The following EPHA6 variants were observed in gnomAD, a reference collection of about 807,000 sequenced individuals.
EPHA6 encodes the protein ephrin type-A receptor 6.
EPHA6 carries 50 observed loss-of-function variants against 112.0 expected under a neutral mutation model. That is an observed-to-expected ratio of 0.45 (90% CI 0.36 to 0.56). The LOEUF (loss-of-function observed/expected upper bound fraction) is 0.56, where lower values mean the gene tolerates loss of function less well. Ranked by LOEUF, EPHA6 falls within the 20% of genes least tolerant of loss-of-function variation. The probability of loss-of-function intolerance (pLI) is 0.00; values close to 1 mark genes in which losing one functional copy is unlikely to be tolerated. For synonymous variants in EPHA6, 529 were observed against 490.7 expected (o/e 1.08, Z -1.03); for missense variants, 1,280 against 1,417.4 (o/e 0.90, Z 1.56).
chr3:97,047,499 CAAAAAA>C (rs556388538), intron 3 of EPHA6, among the ~76,000 whole-genome samples: 2 of 46,452 alleles, frequency 4.3e-5, no homozygotes, highest in African/African-American at 1.4e-4. Flanking sequence ...GACTCTGTCT[CAAAAAA>C]AAAAAAAAAA....
At chr3:97,571,872 G>A (rs1318124203) in intron 11 of EPHA6, among the ~76,000 whole-genome samples, 2 of 152,174 alleles carry the variant, frequency 1.3e-5, no homozygotes, top group African/African-American at 2.4e-5. Flanking sequence ...TGTGAAATGT[G>A]GAAGGTCAAT....
chr3:97,340,337 T>G (rs887182498), intron 5 of EPHA6, among the ~76,000 whole-genome samples: 1 of 152,294 alleles, frequency 6.6e-6, no homozygotes, highest in East Asian at 1.9e-4. Context: ...GGTAGGAATC[T>G]GACTAAGAAG....
intron 4 of EPHA6, among the ~76,000 whole-genome samples, chr3:97,237,840 A>T (rs2078726236): frequency 6.6e-6 from 1 of 151,920 alleles, no homozygotes; most frequent in African/African-American, 2.4e-5. Context: ...GATTTTTTCC[A>T]TGGTATTAGG....
intron 3 of EPHA6, among the ~76,000 whole-genome samples, chr3:97,214,415 C>T (rs1265725142): frequency 4.7e-5 from 7 of 149,792 alleles, no homozygotes; most frequent in South Asian, 2.1e-4. Context: ...TATTGCTATA[C>T]GCCCAACAGA....
intron 5 of EPHA6, among the ~76,000 whole-genome samples, chr3:97,346,877 T>C (rs1279690590): frequency 6.6e-6 from 1 of 152,104 alleles, no homozygotes; most frequent in African/African-American, 2.4e-5. Context: ...GAGAAGCTTT[T>C]ATTCCTGCCT....
chr3:96,902,608 T>G (rs1022837125), intron 2 of EPHA6, among the ~76,000 whole-genome samples: 1 of 152,058 alleles, frequency 6.6e-6, no homozygotes, highest in Non-Finnish European at 1.5e-5. Context: ...ATTGATGGAG[T>G]CCACATTTCA....
chr3:97,139,177 A>G (rs2075835202), intron 3 of EPHA6, among the ~76,000 whole-genome samples: 1 of 152,124 alleles, frequency 6.6e-6, no homozygotes, highest in African/African-American at 2.4e-5. Context: ...TGGACCTCAG[A>G]GAGCACCAGG....
intron 3 of EPHA6, among the ~76,000 whole-genome samples, chr3:97,038,016 G>C (rs1173797691): frequency 6.6e-6 from 1 of 151,778 alleles, no homozygotes; most frequent in African/African-American, 2.4e-5. Context: ...CATGTTTAAG[G>C]ATTGCAATTT....
intron 14 of EPHA6, among the ~76,000 whole-genome samples, chr3:97,685,779 A>G (rs1201182679): frequency 6.6e-6 from 1 of 152,224 alleles, no homozygotes; most frequent in African/African-American, 2.4e-5. Flanking sequence ...GCGAACGATG[A>G]TTACTACAGG....
intron 5 of EPHA6, among the ~76,000 whole-genome samples, chr3:97,279,622 G>A (rs1463492618): frequency 3.3e-5 from 5 of 152,028 alleles, no homozygotes; most frequent in Admixed American, 1.3e-4. Context: ...TCATAGGCAC[G>A]AAGCCAAGCA....
intron 12 of EPHA6, among the ~76,000 whole-genome samples, chr3:97,598,955 A>T (rs1055703936): frequency 4.6e-5 from 7 of 151,264 alleles, no homozygotes; most frequent in African/African-American, 1.2e-4. Flanking sequence ...AATGATTGCC[A>T]TTCTAACTGG....
chr3:97,208,778 G>T (rs931216002), intron 3 of EPHA6, among the ~76,000 whole-genome samples: 4 of 151,800 alleles, frequency 2.6e-5, no homozygotes, highest in African/African-American at 4.8e-5. Flanking sequence ...GGCTACATAT[G>T]GTGGAAATAC....
At chr3:97,288,039 T>C (rs1300466235) in intron 5 of EPHA6, among the ~76,000 whole-genome samples, 2 of 151,594 alleles carry the variant, frequency 1.3e-5, no homozygotes, top group Non-Finnish European at 2.9e-5. Context: ...AGTCTGGGGA[T>C]TTTCTCTGTT....
chr3:97,057,393 G>T (rs1344231915), intron 3 of EPHA6, among the ~76,000 whole-genome samples: 1 of 152,206 alleles, frequency 6.6e-6, no homozygotes, highest in Non-Finnish European at 1.5e-5. Context: ...CTTAGCTGAG[G>T]ATGCTATGAT....
chr3:97,686,848 T>A (rs562668739), intron 14 of EPHA6, among the ~76,000 whole-genome samples: 2 of 152,324 alleles, frequency 1.3e-5, no homozygotes, highest in African/African-American at 4.8e-5. Flanking sequence ...TTCTTTGGCA[T>A]CTGTTAGTAA....
intron 5 of EPHA6, among the ~76,000 whole-genome samples, chr3:97,258,436 A>T (rs2079389993): frequency 6.6e-6 from 1 of 152,096 alleles, no homozygotes; most frequent in African/African-American, 2.4e-5. Flanking sequence ...ACCATCCTGG[A>T]ACAGACTTAC....
chr3:96,967,620 A>C (rs2042171537), intron 2 of EPHA6, among the ~76,000 whole-genome samples: 2 of 152,018 alleles, frequency 1.3e-5, no homozygotes, highest in South Asian at 4.1e-4. Flanking sequence ...AATCCATTTT[A>C]ACTGTTTTGG....
intron 3 of EPHA6, among the ~76,000 whole-genome samples, chr3:97,076,581 T>C (rs1385005806): frequency 6.6e-6 from 1 of 152,178 alleles, no homozygotes; most frequent in Non-Finnish European, 1.5e-5. Context: ...CTAGCTAATA[T>C]AATGGATGAA....
At chr3:97,157,797 T>C (rs2076323611) in intron 3 of EPHA6, among the ~76,000 whole-genome samples, 2 of 152,152 alleles carry the variant, frequency 1.3e-5, no homozygotes, top group South Asian at 2.1e-4. Flanking sequence ...AGATCTTCAA[T>C]TGATTAGATC....
Sources: gnomAD v4.1 joint callset for allele counts (sites outside exome capture counted in the v4.1 genomes callset) on GRCh38, gnomAD v4.1.1 for gene constraint, MANE v1.5 for transcripts, NCBI Gene and HGNC (gene_info 2026-07-23, HGNC 2026-07-21) for gene names.